Variants in TLE1 observed in about 807,000 individuals in gnomAD.
TLE1 encodes TLE family member 1, transcriptional corepressor.
In TLE1, 21 loss-of-function variants were observed where a neutral mutation model predicts 89.8. The observed-to-expected ratio is 0.23, with a 90% CI of 0.17 to 0.34. TLE1 has a LOEUF of 0.34. Among genes scored for constraint, TLE1 ranks in the 10% least tolerant of loss-of-function variants. TLE1 has a pLI of 1.00. For missense variants in TLE1, 795 were observed against 1,031.2 expected (o/e 0.77, Z 3.14); for synonymous variants, 447 against 407.6 (o/e 1.10, Z -1.16).
At chr9:81,671,521 T>A (rs1390096489) in intron 4 of TLE1, among the ~76,000 whole-genome samples, 1 of 152,042 alleles carries the variant, frequency 6.6e-6, no homozygotes, top group South Asian at 2.1e-4. Context: ...GGCATGTGCC[T>A]GTAATCCCAG....
chr9:81,687,256 G>A, intron 2 of TLE1, 78 bp downstream of exon 2: 1 of 1,251,846 alleles, frequency 8.0e-7, no homozygotes, highest in African/African-American at 1.5e-5. Flanking sequence ...ACTAAGTACA[G>A]GCGCCGCCGC....
intron 11 of TLE1, among the ~76,000 whole-genome samples, chr9:81,614,178 G>A (rs1432349504): frequency 6.6e-6 from 1 of 151,976 alleles, no homozygotes; most frequent in Non-Finnish European, 1.5e-5. Context: ...AAAGTGCTGG[G>A]ATTACAGGCC....
At chr9:81,596,905 T>C (rs864179) in intron 14 of TLE1, among the ~76,000 whole-genome samples, 115,236 of 152,094 alleles carry the variant, frequency 0.76, 44,332 homozygotes, top group African/African-American at 0.91. Context: ...TGCACTTTTC[T>C]GTATGTGTAT....
At chr9:81,643,712 T>G (rs1238125755) in intron 6 of TLE1, among the ~76,000 whole-genome samples, 1 of 152,076 alleles carries the variant, frequency 6.6e-6, no homozygotes, top group Non-Finnish European at 1.5e-5. Context: ...TTTTTTTGAT[T>G]TTCAGTGGAA....
In TLE1 at chr9:81,652,852, C is replaced by T. The variant is rs148451330; in HGVS notation, c.298-564G>A. 2.6e-3 allele frequency among the ~76,000 whole-genome samples: 390 copies of T among 152,256 alleles called. 2 individuals are homozygous for T. Among genetic ancestry groups the T allele is most frequent in the Middle Eastern group, 6.8e-3 (2 of 294 alleles). On this transcript the variant is annotated intron_variant, in intron 5 of 19. Transcript: ENST00000376499. ...ATTAAATCCGTTGATTGGTTGATCA[C>T]TTGTCTGATCAACCAATCTTGACCC...
intron 4 of TLE1, among the ~76,000 whole-genome samples, chr9:81,674,414 T>G (rs1336451207): frequency 6.6e-6 from 1 of 152,098 alleles, no homozygotes; most frequent in Admixed American, 6.6e-5. Context: ...GCCACAGCAT[T>G]GAAGGGCCTG....
At position 81,611,832 on chromosome 9, in the gene TLE1, C is replaced by T. The variant is rs762519138; in HGVS notation, c.1191G>A (p.Met397Ile). The T allele has an allele frequency of 3.8e-6, 6 of 1,561,366 alleles. No homozygotes were observed. The highest frequency in any genetic ancestry group is 5.2e-6 in the Non-Finnish European group (6 of 1,158,372). The change falls in exon 13 of 20, where the codon ATG (methionine) becomes ATA (isoleucine). Residue 397 changes from methionine (M) to isoleucine (I), a missense_variant. Coordinates refer to ENST00000376499, the MANE Select transcript of TLE1 (RefSeq NM_005077.5). Reference protein sequence around the residue: ...PGAAYASLHNMSPQMSAAAAA... With the variant: ...PGAAYASLHNISPQMSAAAAA... ...CGGCTGCGGCGCTCATCTGGGGCGA[C>T]ATGTTGTGTAAACTGGCGTAGGCAG...
chr9:81,669,030 A>C (rs768940835), intron 4 of TLE1, among the ~76,000 whole-genome samples: 13 of 152,216 alleles, frequency 8.5e-5, no homozygotes, highest in Non-Finnish European at 1.5e-4. Context: ...AACCAAATTT[A>C]ACCCACGTAT....
chr9:81,590,492 G>A (rs988592293), intron 16 of TLE1, among the ~76,000 whole-genome samples: 7 of 152,326 alleles, frequency 4.6e-5, no homozygotes, highest in Middle Eastern at 3.4e-3. Context: ...TTGTGCTGCC[G>A]TGTAATCCAC....
rs1472424604 is a variant in TLE1 at position 81,584,477 on chromosome 9, G to A, written c.2176C>T (p.Arg726Trp). 8 of 1,613,996 alleles carry A rather than the reference G, an allele frequency of 5.0e-6. No individual in the cohort carries two copies. Among genetic ancestry groups the A allele is most frequent in the South Asian group, 1.1e-5 (1 of 91,072 alleles). Residue 726 changes from arginine (R) to tryptophan (W), a missense_variant, in exon 19 of 20, where the codon CGG becomes TGG. This residue lies in a region of TLE1 where 214 missense variants were observed against 354.9 expected (regional missense o/e 0.60). Coordinates refer to ENST00000376499, the MANE Select transcript of TLE1 (RefSeq NM_005077.5). ...TGKDNLLNAW[R>W]TPYGASIFQS... ...AATATGCTGGCTCCATAGGGGGTCC[G>A]CCAAGCATTGAGGAGGTTATCTTTT...
chr9:81,677,743 G>A (rs1588236006), intron 4 of TLE1, among the ~76,000 whole-genome samples: 1 of 152,002 alleles, frequency 6.6e-6, no homozygotes, highest in East Asian at 1.9e-4. Context: ...CAAACTGCAA[G>A]ATTTGGACGC....
intron 6 of TLE1, among the ~76,000 whole-genome samples, chr9:81,645,178 G>A (rs944851717): frequency 1.3e-5 from 2 of 151,466 alleles, no homozygotes; most frequent in African/African-American, 4.9e-5. Context: ...TGACCAACAT[G>A]GAGAAACCCT....
At chr9:81,643,635 A>C (rs1365908265) in intron 6 of TLE1, among the ~76,000 whole-genome samples, 1 of 152,036 alleles carries the variant, frequency 6.6e-6, no homozygotes, top group Non-Finnish European at 1.5e-5. Context: ...CCCAGACTCA[A>C]GCAATCCTCC....
chr9:81,631,566 C>T (rs1294690782), intron 8 of TLE1, among the ~76,000 whole-genome samples: 5 of 152,186 alleles, frequency 3.3e-5, no homozygotes, highest in Non-Finnish European at 5.9e-5. Flanking sequence ...TTACATACCT[C>T]GAATTGCAGA....
At chr9:81,665,511 G>C (rs1831347303) in intron 4 of TLE1, among the ~76,000 whole-genome samples, 1 of 151,702 alleles carries the variant, frequency 6.6e-6, no homozygotes, top group Non-Finnish European at 1.5e-5. Flanking sequence ...GGGGTTAAAA[G>C]AAAGGAAGGA....
chr9:81,684,416 C>T (rs1160678729), intron 4 of TLE1, among the ~76,000 whole-genome samples: 1 of 152,182 alleles, frequency 6.6e-6, no homozygotes, highest in African/African-American at 2.4e-5. Flanking sequence ...AAATCACAAT[C>T]TCTTTCCAAA....
At chr9:81,616,401 G>A (rs1018067871) in intron 10 of TLE1, among the ~76,000 whole-genome samples, 2 of 152,044 alleles carry the variant, frequency 1.3e-5, no homozygotes, top group African/African-American at 4.8e-5. Flanking sequence ...GAAGGAAAGG[G>A]GAGCCAAACA....
chr9:81,623,246 T>C (rs1028010861), intron 8 of TLE1, among the ~76,000 whole-genome samples: 1 of 152,130 alleles, frequency 6.6e-6, no homozygotes, highest in African/African-American at 2.4e-5. Flanking sequence ...CTCCCTACTG[T>C]GTGTTGCTTA....
At position 81,685,691 on chromosome 9, in the gene TLE1, A is replaced by G. The variant is rs142563667; in HGVS notation, c.219T>C (p.Ile73=). 6.2e-7 allele frequency: 1 copy of G among 1,613,662 alleles called. No individual in the cohort carries two copies. Among genetic ancestry groups the G allele is most frequent in the Non-Finnish European group, 8.5e-7 (1 of 1,179,708 alleles). ...MYYEMSYGLN[I]EMHKQTEIAK... is the part of the protein sequence containing the mutation. The stretch of plus-strand genomic sequence containing the variant: ...TAAAGCTTACCTGTTTGTGCATTTC[A>G]ATGTTTAATCCATATGACATTTCAT... Residue 73 remains isoleucine, a synonymous_variant, in exon 4 of 20, where the codon ATT becomes ATC. Coordinates refer to ENST00000376499, the MANE Select transcript of TLE1 (RefSeq NM_005077.5).
Sources: allele counts gnomAD v4.1 joint callset (sites outside exome capture counted in the v4.1 genomes callset), GRCh38; gene constraint gnomAD v4.1.1; regional missense constraint gnomAD v4.1.1; transcripts MANE v1.5; gene names NCBI Gene and HGNC (gene_info 2026-07-23, HGNC 2026-07-21).